FTO: variants seen among roughly 807,000 people sequenced by gnomAD.
FTO encodes FTO alpha-ketoglutarate dependent dioxygenase.
FTO carries 47 observed loss-of-function variants against 63.9 expected under a neutral mutation model. The ratio of observed to expected loss-of-function variants is 0.74; its 90% CI spans 0.58 to 0.94. FTO has a LOEUF of 0.94. FTO is among the 40% of genes least tolerant of loss of function. FTO has a pLI of 0.00. For missense variants in FTO, 562 were observed against 618.1 expected, an observed-to-expected ratio of 0.91 and a Z score of 0.96; for synonymous variants, 207 against 224.4, an observed-to-expected ratio of 0.92 and a Z score of 0.69.
At chr16:53,963,007 A>G (rs777814636) in intron 8 of FTO, among the ~76,000 whole-genome samples, 1 of 152,036 alleles carries the variant, frequency 6.6e-6, no homozygotes, top group Non-Finnish European at 1.5e-5. Context: ...ATTTTCATCA[A>G]AACTAAACTA....
chr16:53,856,561 G>A (rs2080003048), intron 4 of FTO, among the ~76,000 whole-genome samples: 1 of 151,992 alleles, frequency 6.6e-6, no homozygotes, highest in Non-Finnish European at 1.5e-5. Context: ...ACCAGCCTGG[G>A]CAACATGGTG....
At chr16:54,099,251 C>A (rs116920539) in intron 8 of FTO, among the ~76,000 whole-genome samples, 51 of 152,312 alleles carry the variant, frequency 3.3e-4, no homozygotes, top group African/African-American at 9.6e-4. Flanking sequence ...CCTTCCCTCC[C>A]AATGGCTGAG....
chr16:54,067,673 G>A (rs1355346365), intron 8 of FTO, among the ~76,000 whole-genome samples: 4 of 152,156 alleles, frequency 2.6e-5, no homozygotes, highest in African/African-American at 9.7e-5. Flanking sequence ...TGTGTCTAAT[G>A]TTCCATGTAG....
intron 1 of FTO, among the ~76,000 whole-genome samples, chr16:53,739,329 C>T (rs1206721365): frequency 2.6e-5 from 4 of 151,828 alleles, no homozygotes; most frequent in African/African-American, 7.3e-5. Context: ...CTTCAGCCTC[C>T]CCAGTAGCTG....
chr16:53,805,372 A>G (rs1047088623), intron 1 of FTO, among the ~76,000 whole-genome samples: 1 of 152,132 alleles, frequency 6.6e-6, no homozygotes, highest in Non-Finnish European at 1.5e-5. Flanking sequence ...ACTTTTTCAC[A>G]GTAAAGCAGA....
intron 8 of FTO, among the ~76,000 whole-genome samples, chr16:54,103,347 G>A (rs2540775): frequency 0.21 from 31,877 of 152,000 alleles, 3,882 homozygotes; most frequent in African/African-American, 0.33. Flanking sequence ...ATATACAACT[G>A]GAAGTTAAGC....
At chr16:53,921,242 C>T (rs1321068305) in intron 7 of FTO, among the ~76,000 whole-genome samples, 1 of 152,214 alleles carries the variant, frequency 6.6e-6, no homozygotes, top group Non-Finnish European at 1.5e-5. Context: ...AAGGCCATCC[C>T]TCCCTTCCCC....
intron 4 of FTO, among the ~76,000 whole-genome samples, chr16:53,851,031 A>G (rs970421070): frequency 6.6e-6 from 1 of 152,170 alleles, no homozygotes; most frequent in Non-Finnish European, 1.5e-5. Context: ...TATCTTGTTC[A>G]ATATGACACT....
intron 1 of FTO, among the ~76,000 whole-genome samples, chr16:53,749,641 G>A (rs1198905935): frequency 6.6e-6 from 1 of 151,640 alleles, no homozygotes; most frequent in Non-Finnish European, 1.5e-5. Flanking sequence ...GGGTTTCACC[G>A]TGTTAGCCAG....
intron 8 of FTO, among the ~76,000 whole-genome samples, chr16:53,978,124 A>G (rs1016123864): frequency 3.3e-5 from 5 of 152,232 alleles, no homozygotes; most frequent in Non-Finnish European, 7.3e-5. Context: ...TAGAGAAGAC[A>G]CTATTGTTTC....
intron 7 of FTO, among the ~76,000 whole-genome samples, chr16:53,906,898 C>T (rs1327932517): frequency 1.3e-5 from 2 of 152,146 alleles, no homozygotes; most frequent in Admixed American, 6.5e-5. Context: ...CTCTCTCCAC[C>T]CCAGGTACCC....
At chr16:53,853,933 C>T (rs183550525) in intron 4 of FTO, among the ~76,000 whole-genome samples, 15 of 152,246 alleles carry the variant, frequency 9.9e-5, no homozygotes, top group Non-Finnish European at 7.4e-5. Context: ...TTTACATTTC[C>T]ACCCCCAGTG....
chr16:53,720,615 G>GATATATATATATCTTTTATATATATAAA lies in FTO; in HGVS notation c.45+16413_45+16440dup, dbSNP rs1259654805. Among the ~76,000 whole-genome samples the GATATATATATATCTTTTATATATATAAA allele has an allele frequency of 6.2e-3, 887 of 143,490 alleles. 4 individuals carry two copies. Among genetic ancestry groups the GATATATATATATCTTTTATATATATAAA allele is most frequent in the East Asian group, 8.6e-3 (42 of 4,908 alleles). The allele number at this position is 143,490 out of a possible 152,430, so 94.1% of individuals were successfully genotyped here. A position where few individuals can be genotyped will look rare whatever the true frequency, so the allele number is the denominator to read the frequency against. ...TATTAGGAACACAGAAACTTAAAAA[G>GATATATATATATCTTTTATATATATAAA]ATATATATATATCTTTTATATATAT... On this transcript the variant is annotated intron_variant, in intron 1 of 8. Transcript: ENST00000471389.
chr16:54,075,447 G>GT (rs1168007355), intron 8 of FTO, among the ~76,000 whole-genome samples: 1 of 152,134 alleles, frequency 6.6e-6, no homozygotes, highest in East Asian at 1.9e-4. Context: ...CAATTTTATT[G>GT]TTTTGATTAT....
At chr16:53,817,247 T>A (rs373262426) in intron 2 of FTO, among the ~76,000 whole-genome samples, 13 of 152,330 alleles carry the variant, frequency 8.5e-5, no homozygotes, top group African/African-American at 3.1e-4. Flanking sequence ...AAGCACATGT[T>A]ACCTCAAGTC....
At chr16:54,103,077 A>G (rs867983273) in intron 8 of FTO, among the ~76,000 whole-genome samples, 1 of 152,180 alleles carries the variant, frequency 6.6e-6, no homozygotes, top group South Asian at 2.1e-4. Flanking sequence ...GGAGCCCAGG[A>G]GTTGGAGGCT....
intron 4 of FTO, among the ~76,000 whole-genome samples, chr16:53,848,745 C>T (rs12448529): frequency 0.2 from 29,781 of 152,066 alleles, 3,115 homozygotes; most frequent in East Asian, 0.33. Context: ...ACAGATTATA[C>T]AGTTCAAGGG....
Position 54,076,627 on chromosome 16 carries a change from C to A in FTO, c.1365-35135C>A, listed in dbSNP as rs367585367. 5.3e-5 allele frequency among the ~76,000 whole-genome samples: 8 copies of A among 152,066 alleles called. No individual in the cohort carries two copies. The East Asian group carries it at 1.5e-3, about 29-fold the overall frequency. Reference sequence around the variant, plus strand: ...ATGCCATATATGTATATATTATGTACATATAAATTATGTGGGTGTAAGCAG... The same window carrying A: ...ATGCCATATATGTATATATTATGTAAATATAAATTATGTGGGTGTAAGCAG... On this transcript the variant is annotated intron_variant, in intron 8 of 8. Coordinates refer to ENST00000471389, the MANE Select transcript of FTO (RefSeq NM_001080432.3).
intron 8 of FTO, among the ~76,000 whole-genome samples, chr16:54,033,662 G>GACAACTTAACCAC (rs2084879376): frequency 6.6e-6 from 1 of 151,920 alleles, no homozygotes; most frequent in Admixed American, 6.6e-5. Context: ...ACAAAAAAGA[G>GACAACTTAACCAC]ACAACTTAAC....
Sources: allele counts gnomAD v4.1 joint callset (sites outside exome capture counted in the v4.1 genomes callset), GRCh38; gene constraint gnomAD v4.1.1; transcripts MANE v1.5; gene names NCBI Gene and HGNC (gene_info 2026-07-23, HGNC 2026-07-21).